The following PCM1 variants were observed in gnomAD, a reference collection of about 807,000 sequenced individuals.
PCM1 encodes the protein pericentriolar material 1 protein.
A neutral mutation model predicts 241.9 loss-of-function variants in PCM1; 157 were observed. The ratio of observed to expected loss-of-function variants is 0.65; its 90% CI spans 0.57 to 0.74. The LOEUF is 0.74. Ranked by LOEUF, PCM1 falls within the 30% of genes least tolerant of loss-of-function variation. PCM1 has a pLI of 0.00. For missense variants in PCM1, 3,478 were observed against 2,360.1 expected, an observed-to-expected ratio of 1.47 and a Z score of -9.81; for synonymous variants, 1,085 against 784.9, an observed-to-expected ratio of 1.38 and a Z score of -6.39.
intron 28 of PCM1, among the ~76,000 whole-genome samples, chr8:17,993,142 C>G (rs939376468): frequency 2.0e-5 from 3 of 151,876 alleles, no homozygotes; most frequent in Non-Finnish European, 4.4e-5. Flanking sequence ...CTTTTGGGTT[C>G]TTGGTCATGA....
chr8:17,955,802 TTG>T (rs2068098256), intron 10 of PCM1, 149 bp downstream of exon 10: 7 of 658,796 alleles, frequency 1.1e-5, no homozygotes, highest in African/African-American at 5.4e-5. Flanking sequence ...CGTGTGTGTG[TTG>T]TGTGGGCATA....
At chr8:17,963,002 G>C in intron 16 of PCM1, 99 bp from the exon 17 acceptor site, 1 of 762,650 alleles carries the variant, frequency 1.3e-6, no homozygotes, top group Non-Finnish European at 2.1e-6. Flanking sequence ...AATGAGAATA[G>C]AAACCTTTGT....
At position 17,930,022 on chromosome 8, in the gene PCM1, C is replaced by G. The variant is rs544479951; in HGVS notation, c.-23+5242C>G. Among the ~76,000 whole-genome samples the G allele has an allele frequency of 1.3e-4, 20 of 151,978 alleles. No individual in the cohort carries two copies. In the South Asian group the frequency reaches 4.2e-3, roughly 32 times the overall value. On this transcript the variant is annotated intron_variant, in intron 2 of 38. Transcript: ENST00000325083. ...ATAAGGTGGGGACTATAGTCACCAA[C>G]TCCTATTGATCCTGCACAGCAGTTT...
In PCM1 at chr8:18,022,840, T is replaced by C. The variant is rs540949741; in HGVS notation, c.5842-2521T>C. 3.9e-5 allele frequency among the ~76,000 whole-genome samples: 6 copies of C among 152,318 alleles called. No homozygotes were observed. The South Asian group carries it at 1.2e-3, about 32-fold the overall frequency. On this transcript the variant is annotated intron_variant, in intron 36 of 38. Transcript: ENST00000325083. The stretch of plus-strand genomic sequence containing the variant: ...GAGAACGGACTGAAACTGACATTGG[T>C]TCAAAGGAAACTCTAGAGGCAAATG...
In PCM1 at chr8:17,963,192, G is replaced by A. The variant is rs1448189995; in HGVS notation, c.2555G>A (p.Arg852Lys). Residue 852 changes from arginine to lysine, a missense_variant, in exon 17 of 39, where the codon AGG (arginine) becomes AAG (lysine). Coordinates refer to ENST00000325083, the MANE Select transcript of PCM1 (RefSeq NM_006197.4). The stretch of plus-strand genomic sequence containing the variant: ...GAAGCTCTGATGGCTGAACATCAGA[G>A]GAGGCAAGGTCTAGCTGAAACTGCA... ...QLEALMAEHQ[R>K]RQGLAETASP... 6.2e-7 allele frequency: 1 copy of A among 1,613,706 alleles called. No homozygotes were observed. The highest frequency in any genetic ancestry group is 2.2e-5 in the East Asian group (1 of 44,860).
intron 9 of PCM1, among the ~76,000 whole-genome samples, chr8:17,953,899 C>T (rs913016575): frequency 4.6e-5 from 7 of 152,174 alleles, no homozygotes; most frequent in Non-Finnish European, 8.8e-5. Flanking sequence ...AGTCTTTAAA[C>T]ATTCTAGCTG....
At chr8:18,027,543 T>C in intron 38 of PCM1, 94 bp from the exon 39 acceptor site, 1 of 789,708 alleles carries the variant, frequency 1.3e-6, no homozygotes, top group Non-Finnish European at 2.0e-6. Context: ...ATAATAACGT[T>C]ATATTAAAAG....
rs2055853021 is a variant in PCM1 at position 17,924,133 on chromosome 8, C to T, written c.-90-580C>T. Among the ~76,000 whole-genome samples, 3 of 152,104 alleles carry T rather than the reference C, an allele frequency of 2.0e-5. No individual in the cohort carries two copies. The South Asian group carries it at 6.2e-4, about 31-fold the overall frequency. ...CGCCCCATAACCGCTTTCCAGACTC[C>T]GCCTGCTGGTGTTCTCTGGTTACCG... On this transcript the variant is annotated intron_variant, in intron 1 of 38. Coordinates refer to ENST00000325083, the MANE Select transcript of PCM1 (RefSeq NM_006197.4).
Position 17,985,607 on chromosome 8 carries a change from A to G in PCM1, c.4269A>G (p.Leu1423=). ...CAGACTACTTGAGACAGAGGGCTTTATATGCATTGCAGGTATCTGGTACCT... is the reference window on the plus strand; with the variant it reads ...CAGACTACTTGAGACAGAGGGCTTTGTATGCATTGCAGGTATCTGGTACCT... ...LNTDYLRQRA[L]YALQDIVSRH... The change falls in exon 25 of 39, where the codon TTA becomes TTG. Residue 1423 remains leucine, a synonymous_variant. Transcript: ENST00000325083. 1.9e-6 allele frequency: 3 copies of G among 1,605,476 alleles called. No homozygotes were observed. Among genetic ancestry groups the G allele is most frequent in the Non-Finnish European group, 2.6e-6 (3 of 1,175,206 alleles).
Position 17,950,711 on chromosome 8 carries a change from T to G in PCM1, c.1058T>G (p.Leu353Arg), listed in dbSNP as rs1234674491. ...TTAATTCAGCGTTTTCATAATCAGC[T>G]TCGTGATTCTCAGGTAACCTAGATG... ...NDLIQRFHNQ[L>R]RDSQPPAVPD... Residue 353 changes from leucine to arginine, a missense_variant, in exon 8 of 39, where the codon CTT becomes CGT. By Grantham distance (102) the Leu-to-Arg change is moderately radical. Transcript: ENST00000325083. 3.8e-6 allele frequency: 6 copies of G among 1,569,672 alleles called. No individual in the cohort carries two copies. The highest frequency in any genetic ancestry group is 5.2e-6 in the Non-Finnish European group (6 of 1,146,844).
chr8:17,931,020 A>G (rs529444107), intron 2 of PCM1, among the ~76,000 whole-genome samples: 11 of 152,186 alleles, frequency 7.2e-5, no homozygotes, highest in South Asian at 4.1e-4. Context: ...TCTACCCCCT[A>G]TGGCAATCAC....
chr8:17,997,871 C>CAAA (rs547331477), intron 29 of PCM1, among the ~76,000 whole-genome samples: 1 of 116,042 alleles, frequency 8.6e-6, no homozygotes, highest in Non-Finnish European at 1.9e-5. Context: ...CTACAACATA[C>CAAA]AAAAAAAAAA....
At chr8:17,947,449 C>T (rs1257582681) in intron 7 of PCM1, 86 bp downstream of exon 7, 6 of 957,906 alleles carry the variant, frequency 6.3e-6, no homozygotes, top group Middle Eastern at 4.4e-4. Flanking sequence ...ATTACATAAT[C>T]AGATCTTGAT....
At chr8:17,946,648 C>G (rs527271949) in intron 6 of PCM1, among the ~76,000 whole-genome samples, 1 of 152,168 alleles carries the variant, frequency 6.6e-6, no homozygotes, top group East Asian at 1.9e-4. Context: ...AGGCGCACAC[C>G]GCCACACCCG....
At chr8:18,005,497 A>C (rs1011359662) in intron 29 of PCM1, among the ~76,000 whole-genome samples, 1 of 152,010 alleles carries the variant, frequency 6.6e-6, no homozygotes, top group African/African-American at 2.4e-5. Context: ...AACTGAGAAA[A>C]GGTTTAGGAT....
chr8:17,990,498 T>TC (rs1216615340), intron 27 of PCM1, among the ~76,000 whole-genome samples: 65 of 151,240 alleles, frequency 4.3e-4, no homozygotes, highest in African/African-American at 1.3e-3. Context: ...TTTTTTTTTT[T>TC]CCCCCTCTCC....
intron 10 of PCM1, 26 bp downstream of exon 10, chr8:17,955,679 C>T: frequency 6.5e-7 from 1 of 1,536,154 alleles, no homozygotes; most frequent in Non-Finnish European, 9.0e-7. Flanking sequence ...TCATTGTTTA[C>T]ATGAAGTTAA....
chr8:18,004,817 T>G (rs2090783877), intron 29 of PCM1, among the ~76,000 whole-genome samples: 1 of 152,184 alleles, frequency 6.6e-6, no homozygotes, highest in South Asian at 2.1e-4. Flanking sequence ...TTAATTCATA[T>G]TCTTACCTTT....
At chr8:17,957,157 C>A in intron 11 of PCM1, 107 bp from the exon 12 acceptor site, 1 of 822,142 alleles carries the variant, frequency 1.2e-6, no homozygotes, top group Non-Finnish European at 1.9e-6. Context: ...ATGGAATAGC[C>A]AACAATGTGC....
Sources: gnomAD v4.1 joint callset for allele counts (sites outside exome capture counted in the v4.1 genomes callset) on GRCh38, gnomAD v4.1.1 for gene constraint, MANE v1.5 for transcripts, NCBI Gene and HGNC (gene_info 2026-07-23, HGNC 2026-07-21) for gene names.